HECW2: variants seen among roughly 807,000 people sequenced by gnomAD.
HECW2 encodes E3 ubiquitin-protein ligase HECW2.
HECW2 carries 61 observed loss-of-function variants against 175.2 expected under a neutral mutation model. The ratio of observed to expected loss-of-function variants is 0.35; its 90% CI spans 0.28 to 0.43. The LOEUF is 0.43. HECW2 is among the 20% of genes least tolerant of loss of function. HECW2 has a pLI of 1.00. For synonymous variants in HECW2, 671 were observed against 731.0 expected, an observed-to-expected ratio of 0.92 and a Z score of 1.32; for missense variants, 1,524 against 2,000.5, an observed-to-expected ratio of 0.76 and a Z score of 4.54.
chr2:196,482,785 T>G (rs1012385883), intron 1 of HECW2, among the ~76,000 whole-genome samples: 2 of 152,086 alleles, frequency 1.3e-5, no homozygotes, highest in African/African-American at 2.4e-5. Flanking sequence ...ATAAAATCAC[T>G]AAGAATTCAA....
chr2:196,524,898 T>C (rs1688573462), intron 1 of HECW2, among the ~76,000 whole-genome samples: 1 of 130,884 alleles, frequency 7.6e-6, no homozygotes, highest in Non-Finnish European at 1.6e-5. Context: ...TACTTCCAAG[T>C]ATGTGGTCAA....
chr2:196,347,535 G>A lies in HECW2; in HGVS notation c.293-3771C>T, dbSNP rs1465009851. Reference sequence around the variant, plus strand: ...CCTGGTGAAATCTGTGACATTTAAAGAAATAAAAGTTAGCCCTTTGAAGCC... The same window carrying A: ...CCTGGTGAAATCTGTGACATTTAAAAAAATAAAAGTTAGCCCTTTGAAGCC... On this transcript the variant is annotated intron_variant, in intron 2 of 28. Transcript: ENST00000644978. Among the ~76,000 whole-genome samples, 9 of 152,182 alleles carry A rather than the reference G, an allele frequency of 5.9e-5. 1 individual carries two copies. In the South Asian group the frequency reaches 1.7e-3, roughly 28 times the overall value.
rs549047939 is a variant in HECW2, at chr2:196,301,980, T to C, written c.2814+4508A>G. Among the ~76,000 whole-genome samples the C allele has an allele frequency of 3.9e-5, 6 of 152,356 alleles. No individual in the cohort carries two copies. In the South Asian group the frequency reaches 1.0e-3, roughly 26 times the overall value. On this transcript the variant is annotated intron_variant, in intron 13 of 28. Transcript: ENST00000644978. ...GCTTGTGCCTATGTCCTGAATAGTA[T>C]TGCCTAGATTTTTTTGTAGGGTTTT...
intron 1 of HECW2, among the ~76,000 whole-genome samples, chr2:196,448,431 T>A (rs1272621259): frequency 1.3e-5 from 2 of 152,204 alleles, no homozygotes; most frequent in African/African-American, 4.8e-5. Flanking sequence ...TATTCCAATA[T>A]GCTACGCCTC....
intron 19 of HECW2, among the ~76,000 whole-genome samples, chr2:196,248,971 A>G (rs73987944): frequency 0.015 from 2,234 of 152,302 alleles, 54 homozygotes; most frequent in African/African-American, 0.051. Flanking sequence ...GCTCTGCATC[A>G]TGATTCATAG....
Position 196,343,670 on chromosome 2 carries a change from G to T in HECW2, c.387C>A (p.Pro129=). 6.2e-7 allele frequency: 1 copy of T among 1,609,136 alleles called. No individual in the cohort carries two copies. Residue 129 remains proline (P), a synonymous_variant, in exon 3 of 29, where the codon CCC becomes CCA. Coordinates refer to ENST00000644978, the MANE Select transcript of HECW2 (RefSeq NM_001348768.2). ...TTAGTTACTTACGTTCCATGAAATA[G>T]GGCCCAGGCTCAATTCTCCATACAA... ...GQIVWRIEPG[P]YFMEPEIKIC...
intron 1 of HECW2, among the ~76,000 whole-genome samples, chr2:196,464,031 C>T (rs1342971315): frequency 6.6e-6 from 1 of 151,210 alleles, no homozygotes; most frequent in African/African-American, 2.4e-5. Context: ...TCCAGCTTTT[C>T]CTTTTTTTTT....
intron 1 of HECW2, among the ~76,000 whole-genome samples, chr2:196,463,619 G>C (rs1287329660): frequency 2.6e-5 from 4 of 152,004 alleles, no homozygotes; most frequent in African/African-American, 9.7e-5. Context: ...TTTTAAACTT[G>C]CTTATATAAT....
At position 196,194,331 on chromosome 2, in the gene HECW2, G is replaced by GT. The variant is rs2105734029; in HGVS notation, c.*6945dup. On this transcript the variant is annotated 3_prime_UTR_variant, in exon 29 of 29. Coordinates refer to ENST00000644978, the MANE Select transcript of HECW2 (RefSeq NM_001348768.2). ...CTACTTCTATTCTCCTCCCTTCTGA[G>GT]TTTTCCCTCCCCAAAAGTATTACAG... 6.6e-6 allele frequency: 1 copy of GT among 151,780 alleles called. No homozygotes were observed. Among genetic ancestry groups the GT allele is most frequent in the East Asian group, 1.9e-4 (1 of 5,178 alleles). The allele number at this position is 151,780 out of a possible 1,614,324, so 9.4% of individuals were successfully genotyped here.
chr2:196,494,545 T>C (rs906189529), intron 1 of HECW2, among the ~76,000 whole-genome samples: 1 of 152,154 alleles, frequency 6.6e-6, no homozygotes, highest in Non-Finnish European at 1.5e-5. Flanking sequence ...GGTTCCCAGA[T>C]TCCTCCAGCC....
At position 196,217,103 on chromosome 2, in the gene HECW2, C is replaced by A. The variant is rs751115615; in HGVS notation, c.4409-10G>T. 162 of 1,594,864 alleles carry A rather than the reference C, an allele frequency of 1.0e-4. No homozygotes were observed. The highest frequency in any genetic ancestry group is 1.4e-4 in the Non-Finnish European group (161 of 1,171,144). On this transcript the variant is annotated splice_polypyrimidine_tract_variant and intron_variant, in intron 26 of 28. Transcript: ENST00000644978. ...TGATTGTCATGGTATCCTATCAAAC[C>A]AATCATAAAAGCCCATGTTACTTTG...
chr2:196,494,915 A>G (rs1295563507), intron 1 of HECW2, among the ~76,000 whole-genome samples: 1 of 152,184 alleles, frequency 6.6e-6, no homozygotes, highest in East Asian at 1.9e-4. Context: ...CCTACTCTGT[A>G]GTCTCCAACA....
At position 196,319,505 on chromosome 2, in the gene HECW2, T is replaced by A. The variant is rs1691855616; in HGVS notation, c.1385A>T (p.His462Leu). 6.2e-7 allele frequency: 1 copy of A among 1,614,194 alleles called. No individual in the cohort carries two copies. The highest frequency in any genetic ancestry group is 8.5e-7 in the Non-Finnish European group (1 of 1,180,036). ...GTGATCTTCTTCATCTGAATCAATA[T>A]GAAGCATGGCATTGAGTCTTGTGTC... is the stretch of plus-strand genomic sequence containing the variant. ...PTDTRLNAMLHIDSDEEDHEF... is the reference protein window; with the variant it reads ...PTDTRLNAMLLIDSDEEDHEF... Residue 462 changes from histidine to leucine, a missense_variant, in exon 9 of 29, where the codon CAT (histidine) becomes CTT (leucine). Physicochemically the swap from His to Leu is moderately conservative, Grantham distance 99 (BLOSUM62 -3). Coordinates refer to ENST00000644978, the MANE Select transcript of HECW2 (RefSeq NM_001348768.2).
intron 1 of HECW2, among the ~76,000 whole-genome samples, chr2:196,507,492 T>TA (rs1180739258): frequency 2.0e-5 from 3 of 152,182 alleles, no homozygotes; most frequent in African/African-American, 7.2e-5. Context: ...ATACAGTAGT[T>TA]AGAGGCCAGG....
intron 8 of HECW2, 41 bp from the exon 9 acceptor site, chr2:196,319,945 T>C (rs1320107131): frequency 6.5e-7 from 1 of 1,530,076 alleles, no homozygotes; most frequent in Non-Finnish European, 8.8e-7. Flanking sequence ...TAACCAGAAA[T>C]AATAAGTGAA....
In HECW2 at chr2:196,329,576, T is replaced by C; in HGVS notation, c.570A>G (p.Ser190=). ...TGTCACGTTTAAAGACATTCTTACC[T>C]GACAATGTAAAGCTAACAAGTTTTC... is the stretch of plus-strand genomic sequence containing the variant. The part of the protein sequence containing the change: ...HSRKLVSFTL[S]DLRAVGLKKG... The change falls in exon 5 of 29, where the codon TCA becomes TCG. Residue 190 remains serine, a splice_region_variant and synonymous_variant. Coordinates refer to ENST00000644978, the MANE Select transcript of HECW2 (RefSeq NM_001348768.2). The C allele has an allele frequency of 1.2e-6, 2 of 1,612,328 alleles. No individual in the cohort carries two copies. Among genetic ancestry groups the C allele is most frequent in the African/African-American group, 1.3e-5 (1 of 74,982 alleles).
chr2:196,507,589 G>A (rs895419855), intron 1 of HECW2, among the ~76,000 whole-genome samples: 3 of 152,190 alleles, frequency 2.0e-5, no homozygotes, highest in African/African-American at 4.8e-5. Flanking sequence ...TAGTGATGAA[G>A]TTGAGAAACC....
At chr2:196,451,953 T>G (rs751257487) in intron 1 of HECW2, among the ~76,000 whole-genome samples, 1 of 152,200 alleles carries the variant, frequency 6.6e-6, no homozygotes, top group Non-Finnish European at 1.5e-5. Context: ...CTTTCTCCAA[T>G]TGGTCTTCAT....
chr2:196,434,168 TG>T (rs746875530), intron 1 of HECW2, among the ~76,000 whole-genome samples: 1 of 152,258 alleles, frequency 6.6e-6, no homozygotes, highest in Non-Finnish European at 1.5e-5. Context: ...TCATCTGTTT[TG>T]TTGGCTACTT....
Sources: gnomAD v4.1 joint callset for allele counts (sites outside exome capture counted in the v4.1 genomes callset) on GRCh38, gnomAD v4.1.1 for gene constraint, MANE v1.5 for transcripts, NCBI Gene and HGNC (gene_info 2026-07-23, HGNC 2026-07-21) for gene names.